The following BCAN variants were observed in gnomAD, a reference collection of about 807,000 sequenced individuals.
BCAN encodes the protein brevican core protein.
In BCAN, 51 loss-of-function variants were observed where a neutral mutation model predicts 92.4. The ratio of observed to expected loss-of-function variants is 0.55; its 90% CI spans 0.44 to 0.70. BCAN has a LOEUF of 0.70. Among genes scored for constraint, BCAN ranks in the 30% least tolerant of loss-of-function variants. The probability of loss-of-function intolerance (pLI) is 0.00; values close to 1 mark genes in which losing one functional copy is unlikely to be tolerated. For missense variants in BCAN, 1,140 were observed against 1,212.1 expected, an observed-to-expected ratio of 0.94 and a Z score of 0.88; for synonymous variants, 501 against 505.2, an observed-to-expected ratio of 0.99 and a Z score of 0.11.
intron 6 of BCAN, chr1:156,649,800 G>T (rs1169679257): frequency 2.6e-5 from 13 of 502,394 alleles, no homozygotes; most frequent in Non-Finnish European, 5.2e-5. Flanking sequence ...AATAAGAGAG[G>T]CATTGCCATG....
In BCAN at chr1:156,647,226, G is replaced by T. The variant is rs563971394; in HGVS notation, c.466+51G>T. The T allele has an allele frequency of 6.9e-7, 1 of 1,455,940 alleles. No individual in the cohort carries two copies. The highest frequency in any genetic ancestry group is 2.5e-5 in the Admixed American group (1 of 40,762). 90.2% of individuals were successfully genotyped at this position (1,455,940 alleles called of 1,614,324 possible). On this transcript the variant is annotated intron_variant, in intron 3 of 13. Transcript: ENST00000329117. The surrounding 1 kb of genome is among the most constrained non-coding windows in gnomAD (Gnocchi z 4.8). ...GGAGGGAGGGAGGGAGGGAAGGGAG[G>T]ACTCTTGCCTTCGGGGATCCCACAG...
chr1:156,649,851 G>A (rs1217123170), intron 6 of BCAN: 1 of 518,498 alleles, frequency 1.9e-6, no homozygotes, highest in Admixed American at 1.9e-5. Context: ...CTGAAATACT[G>A]TTACAAGAGC....
At position 156,648,682 on chromosome 1, in the gene BCAN, A is replaced by G. The variant is rs1679064041; in HGVS notation, c.884A>G (p.Asp295Gly). 1 of 1,613,706 alleles carries G rather than the reference A, an allele frequency of 6.2e-7. No individual in the cohort carries two copies. The highest frequency in any genetic ancestry group is 8.5e-7 in the Non-Finnish European group (1 of 1,179,672). The part of the protein sequence containing the change: ...ATTGQLYAAW[D>G]GGLDHCSPGW... The stretch of plus-strand genomic sequence containing the variant: ...ACGGGCCAACTGTATGCAGCCTGGG[A>G]TGGTGGCCTGGACCACTGCAGCCCA... Residue 295 changes from aspartate (D) to glycine (G), a missense_variant, in exon 6 of 14, where the codon GAT (aspartate) becomes GGT (glycine). By Grantham distance (94) the Asp-to-Gly change is moderately conservative. Coordinates refer to ENST00000329117, the MANE Select transcript of BCAN (RefSeq NM_021948.5).
At position 156,652,879 on chromosome 1, in the gene BCAN, G is replaced by T; in HGVS notation, c.1929G>T (p.Val643=). 6.2e-7 allele frequency: 1 copy of T among 1,613,652 alleles called. No homozygotes were observed. The highest frequency in any genetic ancestry group is 1.1e-5 in the South Asian group (1 of 91,072). Residue 643 remains valine (V), a synonymous_variant, in exon 8 of 14, where the codon GTG becomes GTT. Transcript: ENST00000329117. ...GCGCCAGCCGAGGTGGAGTGGCCGT[G>T]GTCCCCGCATCAGGTAATTCTGCCC... The part of the protein sequence containing the change: ...TDSASRGGVA[V]VPASGDCVPS...
At position 156,658,089 on chromosome 1, in the gene BCAN, G is replaced by C; in HGVS notation, c.2293-38G>C. 2 of 1,604,478 alleles carry C rather than the reference G, an allele frequency of 1.2e-6. No individual in the cohort carries two copies. Among genetic ancestry groups the C allele is most frequent in the Non-Finnish European group, 8.5e-7 (1 of 1,174,610 alleles). ...CTCTAGGCCCTCTCCCGGTGCTCCT[G>C]GTGTAGGAGCTCCTCACCACCTCCT... On this transcript the variant is annotated intron_variant, in intron 11 of 13. Transcript: ENST00000329117. The surrounding 1 kb of genome is among the most constrained non-coding windows in gnomAD (Gnocchi z 4.4).
In BCAN at chr1:156,647,582, C is replaced by T. The variant is rs375727911; in HGVS notation, c.541C>T (p.Arg181Cys). The T allele has an allele frequency of 1.5e-5, 24 of 1,612,852 alleles. No individual in the cohort carries two copies. Among genetic ancestry groups the T allele is most frequent in the Non-Finnish European group, 1.8e-5 (21 of 1,179,626 alleles). The change falls in exon 4 of 14, where the codon CGC becomes TGC. Residue 181 changes from arginine (R) to cysteine (C), a missense_variant. By Grantham distance (180) the Arg-to-Cys change is radical (BLOSUM62 -3). Around this residue, in one of 3 missense-constraint regions of BCAN, gnomAD observed 286 missense variants for 284.1 expected, o/e 1.01. Coordinates refer to ENST00000329117, the MANE Select transcript of BCAN (RefSeq NM_021948.5). The surrounding 1 kb of genome is among the most constrained non-coding windows in gnomAD (Gnocchi z 4.8). ...TTCTGGGGCCCAGGAGGCCTGTGCCCGCATTGGAGCCCACATCGCCACCCC... is the reference window on the plus strand; with the variant it reads ...TTCTGGGGCCCAGGAGGCCTGTGCCTGCATTGGAGCCCACATCGCCACCCC... ...SFSGAQEACA[R>C]IGAHIATPEQ... is the part of the protein sequence containing the mutation.
rs745855389 is a variant in BCAN, at chr1:156,647,065, A to T, written c.356A>T (p.Asp119Val). The change falls in exon 3 of 14, where the codon GAC becomes GTC. Residue 119 changes from aspartate (D) to valine (V), a missense_variant. Around this residue, in one of 3 missense-constraint regions of BCAN, gnomAD observed 286 missense variants for 284.1 expected, o/e 1.01. Coordinates refer to ENST00000329117, the MANE Select transcript of BCAN (RefSeq NM_021948.5). This position sits in a 1 kb window ranked among gnomAD's most constrained non-coding sequence, Gnocchi z 4.8. ...ALPAYPASLT[D>V]VSLALSELRP... ...CCTGCGTACCCAGCGTCGCTCACCG[A>T]CGTCTCCCTGGCGCTGAGCGAGCTG... 6.2e-7 allele frequency: 1 copy of T among 1,611,326 alleles called. No individual in the cohort carries two copies. The highest frequency in any genetic ancestry group is 2.2e-5 in the East Asian group (1 of 44,764).
In BCAN at chr1:156,647,614, G is replaced by A; in HGVS notation, c.573G>A (p.Gln191=). 1 of 1,612,968 alleles carries A rather than the reference G, an allele frequency of 6.2e-7. No individual in the cohort carries two copies. The highest frequency in any genetic ancestry group is 1.1e-5 in the South Asian group (1 of 90,984). ...GAGCCCACATCGCCACCCCGGAGCA[G>A]CTCTATGCCGCCTACCTTGGGGGCT... The part of the protein sequence containing the change: ...RIGAHIATPE[Q]LYAAYLGGYE... The change falls in exon 4 of 14, where the codon CAG becomes CAA. Residue 191 remains glutamine (Q), a synonymous_variant. Coordinates refer to ENST00000329117, the MANE Select transcript of BCAN (RefSeq NM_021948.5). The surrounding 1 kb of genome is among the most constrained non-coding windows in gnomAD (Gnocchi z 4.8).
chr1:156,658,365 A>C lies in BCAN; in HGVS notation c.2437+94A>C. Reference sequence around the variant, plus strand: ...TGTTTGTAGACAGAGAGTGCAAAGCAACATAGAGGAGTCAGAACGTGTTCC... The same window carrying C: ...TGTTTGTAGACAGAGAGTGCAAAGCCACATAGAGGAGTCAGAACGTGTTCC... On this transcript the variant is annotated intron_variant, in intron 12 of 13. Transcript: ENST00000329117. The surrounding 1 kb of genome is among the most constrained non-coding windows in gnomAD (Gnocchi z 4.4). The C allele has an allele frequency of 6.5e-7, 1 of 1,530,388 alleles. No homozygotes were observed. The highest frequency in any genetic ancestry group is 1.9e-5 in the Admixed American group (1 of 53,478). 94.8% of individuals were successfully genotyped at this position (1,530,388 alleles called of 1,614,324 possible).
chr1:156,659,321 C>G lies in BCAN; in HGVS notation c.*187C>G. The G allele has an allele frequency of 1.8e-6, 1 of 561,200 alleles. No homozygotes were observed. Among genetic ancestry groups the G allele is most frequent in the Non-Finnish European group, 3.1e-6 (1 of 322,182 alleles). 34.8% of individuals were successfully genotyped at this position (561,200 alleles called of 1,614,324 possible). A position where few individuals can be genotyped will look rare whatever the true frequency, so the allele number is the denominator to read the frequency against. ...GGCTCCAGCCCAGCCCAGGCCCTCT[C>G]CCCCTACCCTGGGCACCAGATCTTC... On this transcript the variant is annotated 3_prime_UTR_variant, in exon 14 of 14. Coordinates refer to ENST00000329117, the MANE Select transcript of BCAN (RefSeq NM_021948.5).
At chr1:156,657,797 C>T (rs1253516747) in intron 11 of BCAN, 40 bp downstream of exon 11, 1 of 1,553,150 alleles carries the variant, frequency 6.4e-7, no homozygotes, top group Non-Finnish European at 8.8e-7. Context: ...TAGCTCACTT[C>T]CTCTAAGCAC....
chr1:156,653,964 C>T (rs1571449200), intron 8 of BCAN, among the ~76,000 whole-genome samples: 2 of 152,164 alleles, frequency 1.3e-5, no homozygotes, highest in African/African-American at 2.4e-5. Context: ...CCCTCACCCC[C>T]ATCCCCTAGC....
intron 8 of BCAN, 120 bp from the exon 9 acceptor site, chr1:156,656,162 T>C (rs1057146306): frequency 1.7e-6 from 1 of 578,398 alleles, no homozygotes; most frequent in Non-Finnish European, 2.8e-6. Context: ...TAGGGTGCTG[T>C]TATAGCTTCC....
Position 156,659,257 on chromosome 1 carries a change from G to T in BCAN, c.*123G>T. ...GACGAGGGGTGGTACTGGAGTCCAG[G>T]TGACAGTTCCTGAAGGGGCTTCTGG... On this transcript the variant is annotated 3_prime_UTR_variant, in exon 14 of 14. Transcript: ENST00000329117. The T allele has an allele frequency of 1.3e-6, 1 of 742,528 alleles. No individual in the cohort carries two copies. Among genetic ancestry groups the T allele is most frequent in the East Asian group, 2.9e-5 (1 of 35,048 alleles). The allele number at this position is 742,528 out of a possible 1,614,324, so 46.0% of individuals were successfully genotyped here.
chr1:156,656,556 A>G (rs1679335954), intron 9 of BCAN, among the ~76,000 whole-genome samples, 167 bp downstream of exon 9: 1 of 152,140 alleles, frequency 6.6e-6, no homozygotes, highest in African/African-American at 2.4e-5. Context: ...TTCTTATCTA[A>G]GTGAAACCAC....
At position 156,658,196 on chromosome 1, in the gene BCAN, G is replaced by C; in HGVS notation, c.2362G>C (p.Val788Leu). 1 of 1,614,090 alleles carries C rather than the reference G, an allele frequency of 6.2e-7. No individual in the cohort carries two copies. Among genetic ancestry groups the C allele is most frequent in the Non-Finnish European group, 8.5e-7 (1 of 1,179,984 alleles). The change falls in exon 12 of 14, where the codon GTG (valine) becomes CTG (leucine). Residue 788 changes from valine (V) to leucine (L), a missense_variant. Val to Leu is a conservative substitution (Grantham distance 32, BLOSUM62 1). This residue lies in a region of BCAN where 825 missense variants were observed against 871.8 expected (regional missense o/e 0.95). Transcript: ENST00000329117. This position sits in a 1 kb window ranked among gnomAD's most constrained non-coding sequence, Gnocchi z 4.4. Reference protein sequence around the residue: ...FLSGENCVVMVWHDQGQWSDV... With the variant: ...FLSGENCVVMLWHDQGQWSDV... Reference sequence around the variant, plus strand: ...GTCTGGAGAGAACTGCGTGGTCATGGTGTGGCATGATCAGGGACAATGGAG... The same window carrying C: ...GTCTGGAGAGAACTGCGTGGTCATGCTGTGGCATGATCAGGGACAATGGAG...
intron 8 of BCAN, among the ~76,000 whole-genome samples, chr1:156,656,078 G>C (rs577426924): frequency 1.5e-3 from 221 of 152,260 alleles, no homozygotes; most frequent in African/African-American, 5.2e-3. Context: ...TGCTGAAGTC[G>C]GGAGCGGGAA....
chr1:156,644,692 G>A (rs972633167), intron 1 of BCAN: 2 of 152,206 alleles, frequency 1.3e-5, no homozygotes, highest in African/African-American at 4.8e-5. Context: ...GGAAAAGTAG[G>A]AAATTTCCCA....
intron 5 of BCAN, 62 bp from the exon 6 acceptor site, chr1:156,648,506 G>A (rs1433883215): frequency 4.0e-6 from 6 of 1,504,338 alleles, no homozygotes; most frequent in Admixed American, 2.0e-5. Flanking sequence ...GGTTCCCATG[G>A]GAGACCAGAG....
Sources: allele counts gnomAD v4.1 joint callset (sites outside exome capture counted in the v4.1 genomes callset), GRCh38; gene constraint gnomAD v4.1.1; regional missense constraint gnomAD v4.1.1; non-coding constraint Gnocchi (gnomAD v3.1); transcripts MANE v1.5; gene names NCBI Gene and HGNC (gene_info 2026-07-23, HGNC 2026-07-21).